Variants in ZNF821 observed in about 807,000 individuals in gnomAD.
ZNF821 encodes the protein zinc finger protein 821.
In ZNF821, 16 loss-of-function variants were observed where a neutral mutation model predicts 44.3. The observed-to-expected ratio is 0.36, with a 90% CI of 0.24 to 0.55. ZNF821 has a LOEUF of 0.55. Ranked by LOEUF, ZNF821 falls within the 20% of genes least tolerant of loss-of-function variation. The probability of loss-of-function intolerance (pLI) is 0.86; values close to 1 mark genes in which losing one functional copy is unlikely to be tolerated. For missense variants in ZNF821, 436 were observed against 547.6 expected, an observed-to-expected ratio of 0.80 and a Z score of 2.03; for synonymous variants, 204 against 197.6, an observed-to-expected ratio of 1.03 and a Z score of -0.27.
At chr16:71,870,165 C>T (rs1201658339) in intron 3 of ZNF821, among the ~76,000 whole-genome samples, 1 of 152,000 alleles carries the variant, frequency 6.6e-6, no homozygotes, top group African/African-American at 2.4e-5. Flanking sequence ...GTTCTGATAC[C>T]ACATCATGAG....
chr16:71,861,831 G>C lies in ZNF821; in HGVS notation c.529C>G (p.Arg177Gly). 1 of 1,614,168 alleles carries C rather than the reference G, an allele frequency of 6.2e-7. No individual in the cohort carries two copies. The highest frequency in any genetic ancestry group is 8.5e-7 in the Non-Finnish European group (1 of 1,180,032). The change falls in exon 7 of 8, where the codon CGA (arginine) becomes GGA (glycine). Residue 177 changes from arginine (R) to glycine (G), a missense_variant. This residue lies in a region of ZNF821 where 238 missense variants were observed against 281.4 expected (regional missense o/e 0.85). Transcript: ENST00000425432. Reference sequence around the variant, plus strand: ...GCTCCACACACAGCACAGTTAGATCGCTGGTCCTCCGAGTGGATTAAGAGG... The same window carrying C: ...GCTCCACACACAGCACAGTTAGATCCCTGGTCCTCCGAGTGGATTAAGAGG... ...RHLLIHSEDQRSNCAVCGARF... is the reference protein window; with the variant it reads ...RHLLIHSEDQGSNCAVCGARF...
intron 3 of ZNF821, among the ~76,000 whole-genome samples, chr16:71,874,417 G>GC (rs1318861190): frequency 1.3e-5 from 2 of 152,028 alleles, no homozygotes; most frequent in Non-Finnish European, 2.9e-5. Context: ...AGACTTTCCT[G>GC]CCCCCCAGAC....
chr16:71,860,264 C>T lies in ZNF821; in HGVS notation c.993G>A (p.Arg331=). The T allele has an allele frequency of 6.2e-7, 1 of 1,614,078 alleles. No individual in the cohort carries two copies. The highest frequency in any genetic ancestry group is 8.5e-7 in the Non-Finnish European group (1 of 1,180,038). Reference sequence around the variant, plus strand: ...GCCGCTTTTCCGGGGTTTCATTGGCCCGCTTCAGCCTCATGGCCTCCCGAT... The same window carrying T: ...GCCGCTTTTCCGGGGTTTCATTGGCTCGCTTCAGCCTCATGGCCTCCCGAT... ...QRDREAMRLK[R]ANETPEKRQA... The change falls in exon 8 of 8, where the codon CGG becomes CGA. Residue 331 remains arginine (R), a synonymous_variant. Transcript: ENST00000425432. This position sits in a 1 kb window ranked among gnomAD's most constrained non-coding sequence, Gnocchi z 7.3.
chr16:71,893,541 C>T (rs955496007), intron 1 of ZNF821, among the ~76,000 whole-genome samples: 10 of 151,360 alleles, frequency 6.6e-5, no homozygotes, highest in Non-Finnish European at 1.5e-4. Flanking sequence ...ATCACTGCAA[C>T]CTCCGCCTCC....
At position 71,867,898 on chromosome 16, in the gene ZNF821, G is replaced by A; in HGVS notation, c.166+14C>T. ...CCATTGCCCTGAGTCATTACCAGAA[G>A]GTGCAGAACTCACTGCTACTGGAGT... is the stretch of plus-strand genomic sequence containing the variant. On this transcript the variant is annotated intron_variant, in intron 4 of 7. Transcript: ENST00000425432. The A allele has an allele frequency of 6.5e-7, 1 of 1,535,336 alleles. No individual in the cohort carries two copies. The highest frequency in any genetic ancestry group is 1.2e-5 in the South Asian group (1 of 83,930).
At chr16:71,866,929 T>C (rs2034608883) in intron 4 of ZNF821, among the ~76,000 whole-genome samples, 1 of 152,192 alleles carries the variant, frequency 6.6e-6, no homozygotes. Flanking sequence ...TCTGAATTCA[T>C]ACTAATAATA....
intron 3 of ZNF821, among the ~76,000 whole-genome samples, chr16:71,870,540 C>T (rs2035074676): frequency 6.9e-6 from 1 of 144,786 alleles, no homozygotes; most frequent in African/African-American, 2.6e-5. Context: ...AGTGCAGTGG[C>T]GTGATCTTGG....
At chr16:71,871,683 G>A in intron 3 of ZNF821, among the ~76,000 whole-genome samples, 1 of 151,964 alleles carries the variant, frequency 6.6e-6, no homozygotes, top group Non-Finnish European at 1.5e-5. Flanking sequence ...ATTAATGTAG[G>A]GCAGCCATCT....
Position 71,895,215 on chromosome 16 carries a change from TGAGGCCGTGGGCGCA to T in ZNF821, n.107_121del, listed in dbSNP as rs576686015. 6.6e-4 allele frequency: 119 copies of T among 180,040 alleles called. 4 individuals carry two copies. In the East Asian group the frequency reaches 0.017, roughly 26 times the overall value. The allele number at this position is 180,040 out of a possible 1,614,324, so 11.2% of individuals were successfully genotyped here. ...TCCGGAACCAAGGCACTGGGCGCGG[TGAGGCCGTGGGCGCA>T]GAGTCCGAGAATCAACAGCTGTGGC... On this transcript the variant is annotated non_coding_transcript_exon_variant, in exon 1 of 3. Transcript: ENST00000561700.
intron 4 of ZNF821, 108 bp downstream of exon 4, chr16:71,867,804 C>T: frequency 1.4e-6 from 2 of 1,423,054 alleles, no homozygotes; most frequent in South Asian, 1.5e-5. Context: ...CACATATCTC[C>T]TTTTTCATGT....
rs778642561 is a variant in ZNF821 at position 71,864,998 on chromosome 16, G to C, written c.217C>G (p.His73Asp). The C allele has an allele frequency of 2.3e-5, 37 of 1,614,026 alleles. No individual in the cohort carries two copies. Among genetic ancestry groups the C allele is most frequent in the Non-Finnish European group, 3.1e-5 (37 of 1,180,028 alleles). ...EETTQDEVSS[H>D]TSEEDGGVVK... ...ACCCCTCCATCTTCCTCTGATGTGT[G>C]GGAAGAGACTTCATCTTGTGTCGTC... is the stretch of plus-strand genomic sequence containing the variant. Residue 73 changes from histidine to aspartate, a missense_variant, in exon 5 of 8, where the codon CAC becomes GAC. Coordinates refer to ENST00000425432, the MANE Select transcript of ZNF821 (RefSeq NM_001201552.2).
intron 3 of ZNF821, among the ~76,000 whole-genome samples, chr16:71,879,045 T>C (rs578071863): frequency 6.6e-6 from 1 of 152,278 alleles, no homozygotes; most frequent in South Asian, 2.1e-4. Context: ...ATCCCACAAA[T>C]TGCTTCATAG....
intron 5 of ZNF821, 23 bp downstream of exon 5, chr16:71,864,880 A>AC: frequency 1.9e-6 from 3 of 1,613,728 alleles, no homozygotes; most frequent in South Asian, 2.2e-5. Flanking sequence ...CTGGACCTGG[A>AC]CCCAGGGGCC....
intron 3 of ZNF821, among the ~76,000 whole-genome samples, chr16:71,877,502 C>T (rs1218855000): frequency 6.6e-6 from 1 of 151,918 alleles, no homozygotes; most frequent in Non-Finnish European, 1.5e-5. Flanking sequence ...TCATGCAATC[C>T]TCCTGCCTTG....
Position 71,864,894 on chromosome 16 carries a change from G to A in ZNF821, c.312+9C>T, listed in dbSNP as rs771031933. ...GCTGGACCTGGACCCAGGGGCCATC[G>A]TCACTTGCCTCGTGCTCTACCACTT... On this transcript the variant is annotated intron_variant, in intron 5 of 7. Coordinates refer to ENST00000425432, the MANE Select transcript of ZNF821 (RefSeq NM_001201552.2). 23 of 1,613,952 alleles carry A rather than the reference G, an allele frequency of 1.4e-5. No individual in the cohort carries two copies. The highest frequency in any genetic ancestry group is 2.2e-5 in the East Asian group (1 of 44,882).
rs979713733 is a variant in ZNF821, at chr16:71,883,969, C to A, written c.-202G>T. ...GGGCCCCGCCTCCGGACAGACGGAC[C>A]GCCGGACAATGGACCCGGGACCGCA... On this transcript the variant is annotated 5_prime_UTR_variant, in exon 1 of 8. Transcript: ENST00000425432. 4.6e-5 allele frequency: 7 copies of A among 152,116 alleles called. No individual in the cohort carries two copies. The highest frequency in any genetic ancestry group is 1.4e-4 in the African/African-American group (6 of 41,420). The allele number at this position is 152,116 out of a possible 1,614,324, so 9.4% of individuals were successfully genotyped here.
At position 71,860,218 on chromosome 16, in the gene ZNF821, G is replaced by T; in HGVS notation, c.1039C>A (p.Arg347=). 1 of 1,614,148 alleles carries T rather than the reference G, an allele frequency of 6.2e-7. No homozygotes were observed. Among genetic ancestry groups the T allele is most frequent in the Non-Finnish European group, 8.5e-7 (1 of 1,180,020 alleles). The change falls in exon 8 of 8, where the codon CGA becomes AGA. Residue 347 remains arginine, a synonymous_variant. Coordinates refer to ENST00000425432, the MANE Select transcript of ZNF821 (RefSeq NM_001201552.2). The surrounding 1 kb of genome is among the most constrained non-coding windows in gnomAD (Gnocchi z 7.3). ...CTCCTCTTGAGCCGCTTGGCCTCTC[G>T]CTCTCGGATGAGCCGGGCCTGCCGC... ...EKRQARLIRE[R]EAKRLKRRLE...
intron 4 of ZNF821, 41 bp downstream of exon 4, chr16:71,867,871 T>C (rs1567415071): frequency 6.5e-7 from 1 of 1,530,424 alleles, no homozygotes; most frequent in East Asian, 2.5e-5. Flanking sequence ...ATAATTCTTC[T>C]CCCATTGCCC....
chr16:71,864,953 A>C lies in ZNF821; in HGVS notation c.262T>G (p.Leu88Val). 2 of 1,613,732 alleles carry C rather than the reference A, an allele frequency of 1.2e-6. No individual in the cohort carries two copies. The highest frequency in any genetic ancestry group is 2.2e-5 in the East Asian group (1 of 44,844). The change falls in exon 5 of 8, where the codon TTA (leucine) becomes GTA (valine). Residue 88 changes from leucine to valine, a missense_variant. Around this residue, in one of 5 missense-constraint regions of ZNF821, gnomAD observed 238 missense variants for 281.4 expected, o/e 0.85. Coordinates refer to ENST00000425432, the MANE Select transcript of ZNF821 (RefSeq NM_001201552.2). ...CCAACAGGCTGTTCTGTATTTTCTAACTCTTTCTCCACTTTGACCACCCCT... is the reference window on the plus strand; with the variant it reads ...CCAACAGGCTGTTCTGTATTTTCTACCTCTTTCTCCACTTTGACCACCCCT... Reference protein sequence around the residue: ...DGGVVKVEKELENTEQPVGGN... With the variant: ...DGGVVKVEKEVENTEQPVGGN...
Sources: gnomAD v4.1 joint callset for allele counts (sites outside exome capture counted in the v4.1 genomes callset) on GRCh38, gnomAD v4.1.1 for gene constraint, gnomAD v4.1.1 regional missense constraint, Gnocchi (gnomAD v3.1) non-coding constraint, MANE v1.5 for transcripts, NCBI Gene and HGNC (gene_info 2026-07-23, HGNC 2026-07-21) for gene names.